The following RTL9 variants were observed in gnomAD, a reference collection of about 807,000 sequenced individuals.
The protein encoded by RTL9 is retrotransposon Gag-like protein 9.
In RTL9, 19 loss-of-function variants were observed where a neutral mutation model predicts 44.7. That is an observed-to-expected ratio of 0.42 (90% CI 0.30 to 0.62). RTL9 has a LOEUF of 0.62. Among genes scored for constraint, RTL9 ranks in the 20% least tolerant of loss-of-function variants. The pLI is 0.16. For missense variants in RTL9, 1,105 were observed against 1,080.6 expected (o/e 1.02, Z -0.32); for synonymous variants, 407 against 398.9 (o/e 1.02, Z -0.24).
intron 1 of RTL9, among the ~76,000 whole-genome samples, chrX:110,435,280 A>G (rs913798638): frequency 9.0e-6 from 1 of 111,500 alleles, no homozygotes; most frequent in African/African-American, 3.3e-5. Context: ...TTAGTGTGGG[A>G]GTATCTTCTA....
chrX:110,368,262 C>G (rs947761394), intron 1 of RTL9, among the ~76,000 whole-genome samples: 2 of 110,546 alleles, frequency 1.8e-5, no homozygotes, highest in African/African-American at 3.3e-5. Flanking sequence ...ATGTCATGCT[C>G]CTGCTCAAAA....
At chrX:110,416,519 T>A (rs1024904166), upstream of RTL9, among the ~76,000 whole-genome samples, 7 of 110,917 alleles carry the variant, frequency 6.3e-5, no homozygotes, top group African/African-American at 2.3e-4. Context: ...CAGGCTAGCA[T>A]GTGACAGAGC....
chrX:110,432,696 T>C (rs891557335), intron 1 of RTL9, among the ~76,000 whole-genome samples: 1 of 112,074 alleles, frequency 8.9e-6, no homozygotes, highest in Non-Finnish European at 1.9e-5. Flanking sequence ...TCACTAATGC[T>C]ATTAAGCAGG....
At chrX:110,406,862 T>A (rs1602977220) in intron 1 of RTL9, among the ~76,000 whole-genome samples, 1 of 112,165 alleles carries the variant, frequency 8.9e-6, no homozygotes, top group East Asian at 2.8e-4. Context: ...CATGCAATAG[T>A]TTTTGGGTTG....
chrX:110,432,445 G>C (rs1031427118), intron 1 of RTL9, among the ~76,000 whole-genome samples: 5 of 112,135 alleles, frequency 4.5e-5, no homozygotes, highest in Non-Finnish European at 9.4e-5. Flanking sequence ...TGATAGCTTC[G>C]AGAGAAGAGC....
At chrX:110,437,216 C>T (rs1398157553) in intron 1 of RTL9, among the ~76,000 whole-genome samples, 1 of 111,829 alleles carries the variant, frequency 8.9e-6, no homozygotes, top group East Asian at 2.8e-4. Context: ...GAGCCCCTGA[C>T]CCCTGCAGTT....
At chrX:110,371,555 T>A (rs901424881) in intron 1 of RTL9, among the ~76,000 whole-genome samples, 1 of 111,239 alleles carries the variant, frequency 9.0e-6, no homozygotes, top group Non-Finnish European at 1.9e-5. Flanking sequence ...CTTCCCAGCC[T>A]CTGGTAACCA....
intron 1 of RTL9, among the ~76,000 whole-genome samples, chrX:110,413,240 G>A (rs1162085618): frequency 1.8e-5 from 2 of 111,223 alleles, no homozygotes; most frequent in East Asian, 5.6e-4. Flanking sequence ...AAATTTTACA[G>A]AGCACTATTG....
chrX:110,452,449 C>T, exon 1 of RTL9: 2 of 1,211,875 alleles, frequency 1.7e-6, no homozygotes, highest in Non-Finnish European at 2.2e-6. Flanking sequence ...TCTCTGGCCT[C>T]TGGAGCATTG....
exon 1 of RTL9, chrX:110,454,315 A>T (rs746538471): frequency 3.3e-6 from 4 of 1,211,651 alleles, no homozygotes; most frequent in Non-Finnish European, 3.4e-6. Flanking sequence ...TCTGAGATAG[A>T]CATCCTCAGT....
At chrX:110,397,237 C>A (rs1484905511) in intron 1 of RTL9, among the ~76,000 whole-genome samples, 1 of 111,371 alleles carries the variant, frequency 9.0e-6, no homozygotes, top group Non-Finnish European at 1.9e-5. Context: ...CTTCCACTCC[C>A]CTGATATCCC....
upstream of RTL9, among the ~76,000 whole-genome samples, chrX:110,446,244 G>A (rs1274139200): frequency 9.0e-6 from 1 of 111,361 alleles, no homozygotes; most frequent in African/African-American, 3.3e-5. Flanking sequence ...TCTGTACGGA[G>A]GATTTCAAGT....
chrX:110,368,143 A>G (rs1389179551), intron 1 of RTL9, among the ~76,000 whole-genome samples: 1 of 109,698 alleles, frequency 9.1e-6, no homozygotes, highest in Admixed American at 9.8e-5. Flanking sequence ...ACCTGGCCTA[A>G]AAGTATATTT....
At chrX:110,387,231 C>T (rs2068461979) in intron 1 of RTL9, among the ~76,000 whole-genome samples, 1 of 112,309 alleles carries the variant, frequency 8.9e-6, no homozygotes, top group Admixed American at 9.4e-5. Flanking sequence ...CCCACAGTCC[C>T]ACCTTTCCAA....
At chrX:110,366,594 TTCTTTGA>T (rs1227254534) in intron 1 of RTL9, among the ~76,000 whole-genome samples, 3 of 111,636 alleles carry the variant, frequency 2.7e-5, no homozygotes, top group Non-Finnish European at 5.7e-5. Flanking sequence ...CTCCATTTTC[TTCTTTGA>T]TCAGCTTAGA....
chrX:110,453,875 G>C, exon 1 of RTL9: 1 of 1,211,814 alleles, frequency 8.3e-7, no homozygotes, highest in African/African-American at 1.7e-5. Flanking sequence ...CCACACCACA[G>C]ACAGCCTTTG....
chrX:110,373,952 G>A (rs747317433), intron 1 of RTL9, among the ~76,000 whole-genome samples: 2 of 111,624 alleles, frequency 1.8e-5, no homozygotes, highest in Non-Finnish European at 3.8e-5. Flanking sequence ...AACAAATAGA[G>A]CCGAGATAAT....
chrX:110,455,238 G>C (rs1359682000), exon 2 of RTL9: 2 of 1,210,355 alleles, frequency 1.7e-6, no homozygotes, highest in Admixed American at 4.4e-5. Context: ...CTACCTGAAA[G>C]AGCATGGAGA....
intron 1 of RTL9, among the ~76,000 whole-genome samples, chrX:110,401,231 C>T (rs777556596): frequency 1.5e-4 from 17 of 111,557 alleles, no homozygotes; most frequent in Admixed American, 1.0e-3. Flanking sequence ...ACTCTTCCCT[C>T]GCTTGTGTGT....
Sources: gnomAD v4.1 joint callset for allele counts (sites outside exome capture counted in the v4.1 genomes callset) on GRCh38, gnomAD v4.1.1 for gene constraint, MANE v1.5 for transcripts, NCBI Gene and HGNC (gene_info 2026-07-23, HGNC 2026-07-21) for gene names.